HSD17B14: variants seen among roughly 807,000 people sequenced by gnomAD.
HSD17B14 encodes hydroxysteroid 17-beta dehydrogenase 14, also known as L-fucose dehydrogenase.
Under a neutral mutation model 32.2 loss-of-function variants are expected in HSD17B14, and 32 were observed. That is an observed-to-expected ratio of 0.99 (90% CI 0.75 to 1.33). The LOEUF is 1.33. HSD17B14 is among the 40% of genes most tolerant of loss of function. HSD17B14 has a pLI of 0.00. For synonymous variants in HSD17B14, 140 were observed against 155.4 expected (o/e 0.90, Z 0.74); for missense variants, 370 against 366.5 (o/e 1.01, Z -0.08).
chr19:48,832,630 G>A lies in HSD17B14; in HGVS notation c.277+36C>T, dbSNP rs774695917. ...GTGCAGGAAACAGAGTTGGGGGGCAGGAGGTGGAGAATGGCCCTGGGGTCT... is the reference window on the plus strand; with the variant it reads ...GTGCAGGAAACAGAGTTGGGGGGCAAGAGGTGGAGAATGGCCCTGGGGTCT... On this transcript the variant is annotated intron_variant, in intron 4 of 8. Coordinates refer to ENST00000263278, the MANE Select transcript of HSD17B14 (RefSeq NM_016246.3). 3.2e-6 allele frequency: 5 copies of A among 1,576,522 alleles called. No homozygotes were observed. In the South Asian group the frequency reaches 5.6e-5, roughly 18 times the overall value.
chr19:48,821,188 AT>A lies in HSD17B14; in HGVS notation c.370-6048del, dbSNP rs2035142504. On this transcript the variant is annotated intron_variant, in intron 5 of 8. Transcript: ENST00000263278. ...CTACCACGCCCAGCTAATTTTTTGT[AT>A]TTTTTAGTAGAGACGGGGTTTCACC... Among the ~76,000 whole-genome samples, 2 of 151,516 alleles carry A rather than the reference AT, an allele frequency of 1.3e-5. 1 individual carries two copies. Among genetic ancestry groups the A allele is most frequent in the South Asian group, 4.2e-4 (2 of 4,796 alleles).
At chr19:48,833,755 G>A (rs531875905) in intron 3 of HSD17B14, among the ~76,000 whole-genome samples, 1 of 151,576 alleles carries the variant, frequency 6.6e-6, no homozygotes, top group African/African-American at 2.4e-5. Flanking sequence ...GAAGCTGGGA[G>A]GCAGAGGTTG....
intron 5 of HSD17B14, among the ~76,000 whole-genome samples, chr19:48,825,714 C>T (rs1285510990): frequency 1.3e-5 from 2 of 152,174 alleles, no homozygotes; most frequent in East Asian, 1.9e-4. Flanking sequence ...TGTTGCGTAA[C>T]TTGCATGACG....
Position 48,813,228 on chromosome 19 carries a change from C to T in HSD17B14, c.760G>A (p.Gly254Arg), listed in dbSNP as rs1446255599. ...LVTGGAELGY[G>R]CKASRSTPVD... ...GGGGTGCTCCGACTGGCCTTGCACCCGTACCCCAGCTCTGCACCCCCCGTC... is the reference window on the plus strand; with the variant it reads ...GGGGTGCTCCGACTGGCCTTGCACCTGTACCCCAGCTCTGCACCCCCCGTC... Residue 254 changes from glycine (G) to arginine (R), a missense_variant, in exon 9 of 9, where the codon GGG (glycine) becomes AGG (arginine). Physicochemically the swap from Gly to Arg is moderately radical, Grantham distance 125. Transcript: ENST00000263278. The T allele has an allele frequency of 1.2e-6, 2 of 1,611,290 alleles. No homozygotes were observed. Among genetic ancestry groups the T allele is most frequent in the Non-Finnish European group, 1.7e-6 (2 of 1,179,088 alleles).
intron 5 of HSD17B14, among the ~76,000 whole-genome samples, chr19:48,817,471 G>T (rs779702280): frequency 6.6e-6 from 1 of 152,042 alleles, no homozygotes; most frequent in Non-Finnish European, 1.5e-5. Flanking sequence ...CAGCCACCAC[G>T]CCTGGCCCCA....
At chr19:48,816,779 T>TTTTTCTTTCTTTC (rs1555775882) in intron 5 of HSD17B14, among the ~76,000 whole-genome samples, 1 of 122,180 alleles carries the variant, frequency 8.2e-6, no homozygotes, top group African/African-American at 3.3e-5. Context: ...GCAAGACCCT[T>TTTTTCTTTCTTTC]TTTCTTTCTT....
At chr19:48,833,483 G>A (rs1484802730) in intron 3 of HSD17B14, among the ~76,000 whole-genome samples, 1 of 152,096 alleles carries the variant, frequency 6.6e-6, no homozygotes, top group Non-Finnish European at 1.5e-5. Context: ...CCTGAGGTCA[G>A]GAGTTCGAGA....
intron 5 of HSD17B14, among the ~76,000 whole-genome samples, chr19:48,822,046 G>A (rs2035160570): frequency 6.6e-6 from 1 of 150,992 alleles, no homozygotes; most frequent in South Asian, 2.1e-4. Context: ...GGTGATGATT[G>A]TGGTGATGAT....
chr19:48,821,589 C>T (rs1029986771), intron 5 of HSD17B14, among the ~76,000 whole-genome samples: 4 of 152,032 alleles, frequency 2.6e-5, no homozygotes, highest in East Asian at 1.9e-4. Flanking sequence ...TCCAAAGTCA[C>T]GTGGCTGAGA....
At position 48,834,516 on chromosome 19, in the gene HSD17B14, GT is replaced by G. The variant is rs368725431; in HGVS notation, c.128-159del. On this transcript the variant is annotated intron_variant, in intron 2 of 8. Transcript: ENST00000263278. ...GGTCTGGACTCCTGGGTCTGAGGAAGTAGGGCCTGGGGGCCTGGACTCCTGG... is the reference window on the plus strand; with the variant it reads ...GGTCTGGACTCCTGGGTCTGAGGAAGAGGGCCTGGGGGCCTGGACTCCTGG... Among the ~76,000 whole-genome samples the G allele has an allele frequency of 8.0e-3, 713 of 88,908 alleles. 1 individual carries two copies. Among genetic ancestry groups the G allele is most frequent in the South Asian group, 0.016 (33 of 2,048 alleles). 58.3% of individuals were successfully genotyped at this position (88,908 alleles called of 152,430 possible). A position where few individuals can be genotyped will look rare whatever the true frequency, so the allele number is the denominator to read the frequency against.
intron 5 of HSD17B14, among the ~76,000 whole-genome samples, chr19:48,827,387 A>G (rs2035268100): frequency 6.6e-6 from 1 of 152,024 alleles, no homozygotes; most frequent in Non-Finnish European, 1.5e-5. Context: ...CTGTATGCGC[A>G]GGGCTCCGCA....
chr19:48,835,371 C>T, intron 2 of HSD17B14, among the ~76,000 whole-genome samples: 2 of 99,824 alleles, frequency 2.0e-5, no homozygotes, highest in East Asian at 3.7e-4. Flanking sequence ...GGAGGAGGGG[C>T]TGAGGTCTGG....
Position 48,836,419 on chromosome 19 carries a change from A to G in HSD17B14, c.-8T>C, listed in dbSNP as rs2035518030. 2 of 1,612,262 alleles carry G rather than the reference A, an allele frequency of 1.2e-6. No individual in the cohort carries two copies. The highest frequency in any genetic ancestry group is 1.7e-6 in the Non-Finnish European group (2 of 1,179,918). ...GCGCGTTCCCGTAGCCATCCCGTGT[A>G]CGTCGGTCTCTCTCTCTCTCTACTC... On this transcript the variant is annotated 5_prime_UTR_variant, in exon 1 of 9. Transcript: ENST00000263278.
At chr19:48,823,027 C>A (rs1042029676) in intron 5 of HSD17B14, among the ~76,000 whole-genome samples, 1 of 152,122 alleles carries the variant, frequency 6.6e-6, no homozygotes, top group Non-Finnish European at 1.5e-5. Context: ...AAAGTCTTTG[C>A]CCTCAGGGAA....
rs966913236 is a variant in HSD17B14, at chr19:48,824,124, A to C, written c.369+7544T>G. Among the ~76,000 whole-genome samples, 6 of 146,334 alleles carry C rather than the reference A, an allele frequency of 4.1e-5. No homozygotes were observed. The Admixed American group carries it at 4.1e-4, about 10-fold the overall frequency. ...ACAAAAATTAGCCGGGCATGGTGGT[A>C]CATGTCTGTAGTCCAGCTACTTGGT... On this transcript the variant is annotated intron_variant, in intron 5 of 8. Transcript: ENST00000263278.
chr19:48,822,440 GTGA>G (rs1469101000), intron 5 of HSD17B14, among the ~76,000 whole-genome samples: 2 of 137,126 alleles, frequency 1.5e-5, no homozygotes, highest in South Asian at 2.5e-4. Context: ...GGTAATTGTA[GTGA>G]TGGTGGTGAT....
At position 48,821,801 on chromosome 19, in the gene HSD17B14, GTGA is replaced by G. The variant is rs1430575953; in HGVS notation, c.370-6663_370-6661del. On this transcript the variant is annotated intron_variant, in intron 5 of 8. Coordinates refer to ENST00000263278, the MANE Select transcript of HSD17B14 (RefSeq NM_016246.3). ...GACGGTGAAGATGCTGATGATCGTA[GTGA>G]TGATGATGGTGACGGTGATGGTGAA... Among the ~76,000 whole-genome samples, 49 of 151,462 alleles carry G rather than the reference GTGA, an allele frequency of 3.2e-4. 1 individual carries two copies. The highest frequency in any genetic ancestry group is 1.1e-3 in the African/African-American group (46 of 41,278).
intron 2 of HSD17B14, among the ~76,000 whole-genome samples, 170 bp downstream of exon 2, chr19:48,835,635 C>T (rs1450025572): frequency 1.4e-5 from 2 of 141,306 alleles, no homozygotes; most frequent in Non-Finnish European, 3.1e-5. Context: ...GGCTGGGGGC[C>T]TGGACTCCTA....
At chr19:48,823,536 T>C (rs2035193726) in intron 5 of HSD17B14, among the ~76,000 whole-genome samples, 1 of 152,126 alleles carries the variant, frequency 6.6e-6, no homozygotes, top group Non-Finnish European at 1.5e-5. Flanking sequence ...CATTTATGTA[T>C]ATACAGACAC....
Sources: gnomAD v4.1 joint callset for allele counts (sites outside exome capture counted in the v4.1 genomes callset) on GRCh38, gnomAD v4.1.1 for gene constraint, MANE v1.5 for transcripts, NCBI Gene and HGNC (gene_info 2026-07-23, HGNC 2026-07-21) for gene names.